Variants in PSMG2 observed in about 807,000 individuals in gnomAD.
PSMG2 encodes CD40 ligand-activated specific transcript 3.
Under a neutral mutation model 31.5 loss-of-function variants are expected in PSMG2, and 21 were observed. That is an observed-to-expected ratio of 0.67 (90% CI 0.47 to 0.96). The LOEUF (loss-of-function observed/expected upper bound fraction) is 0.96, where lower values mean the gene tolerates loss of function less well. Ranked by LOEUF, PSMG2 falls within the 40% of genes least tolerant of loss-of-function variation. The pLI is 0.00. For missense variants in PSMG2, 318 were observed against 321.2 expected (o/e 0.99, Z 0.08); for synonymous variants, 120 against 110.4 (o/e 1.09, Z -0.54).
At position 12,718,585 on chromosome 18, in the gene PSMG2, TG is replaced by T; in HGVS notation, c.358del (p.Val120PhefsTer36). ...AAAGCAGTGGCTGTGCCAGAGTCAT[TG>T]TTCTTTCAAGCAGTCATTCATATCA... is the stretch of plus-strand genomic sequence containing the variant. ...VKSSGCARVI[V>X]LSSSHSYQRN... On this transcript the variant is annotated frameshift_variant, in exon 4 of 7. Transcript: ENST00000317615. LOFTEE classifies it high-confidence loss of function. 1 of 1,612,674 alleles carries T rather than the reference TG, an allele frequency of 6.2e-7. No individual in the cohort carries two copies.
intron 1 of PSMG2, among the ~76,000 whole-genome samples, chr18:12,694,556 C>G (rs1338903176): frequency 3.9e-5 from 6 of 152,306 alleles, no homozygotes; most frequent in Middle Eastern, 3.4e-3. Flanking sequence ...CAAACACACT[C>G]TAAAAGTGGC....
At chr18:12,699,945 A>G, upstream of PSMG2, 2 of 1,335,514 alleles carry the variant, frequency 1.5e-6, no homozygotes, top group Non-Finnish European at 2.1e-6. Context: ...AAATTAGAAA[A>G]CAATTATAGG....
At chr18:12,686,627 C>T (rs1346535747) in intron 1 of PSMG2, 1 of 455,164 alleles carries the variant, frequency 2.2e-6, no homozygotes, top group South Asian at 2.8e-5. Context: ...TCCTCATCTC[C>T]GTTATTTTCA....
rs138452918 is a variant in PSMG2 at position 12,710,238 on chromosome 18, G to T, written c.230-2464G>T. 1.1e-3 allele frequency among the ~76,000 whole-genome samples: 174 copies of T among 152,120 alleles called. 1 individual carries two copies. Among genetic ancestry groups the T allele is most frequent in the East Asian group, 7.1e-3 (37 of 5,182 alleles). ...ATTACAGGTGTGAGCCACCACGCCC[G>T]CCCCTTTTAAAGCATCTGTGATTTC... is the stretch of plus-strand genomic sequence containing the variant. On this transcript the variant is annotated intron_variant, in intron 2 of 6. Transcript: ENST00000317615.
At chr18:12,691,961 C>T (rs138657471) in intron 1 of PSMG2, among the ~76,000 whole-genome samples, 4,453 of 152,086 alleles carry the variant, frequency 0.029, 227 homozygotes, top group African/African-American at 0.1. Flanking sequence ...GCTCATGATC[C>T]GCCCGCCTTG....
At chr18:12,698,910 A>T, upstream of PSMG2, 1 of 1,124,736 alleles carries the variant, frequency 8.9e-7, no homozygotes, top group African/African-American at 1.6e-5. Context: ...AAAAGTCATT[A>T]TTATTGTTTC....
At chr18:12,700,905 C>T (rs562236627), upstream of PSMG2, 959 of 1,417,358 alleles carry the variant, frequency 6.8e-4, no homozygotes, top group Non-Finnish European at 7.5e-4. Context: ...AGTAGTGTTA[C>T]GCATTAGTAT....
intron 2 of PSMG2, 112 bp from the exon 3 acceptor site, chr18:12,712,590 T>C (rs1358037559): frequency 2.7e-6 from 2 of 747,380 alleles, no homozygotes; most frequent in South Asian, 1.9e-5. Flanking sequence ...ATTTTAATTA[T>C]TGAAAACATT....
At chr18:12,681,813 A>G (rs2039358483) in intron 1 of PSMG2, among the ~76,000 whole-genome samples, 1 of 152,126 alleles carries the variant, frequency 6.6e-6, no homozygotes, top group Admixed American at 6.6e-5. Context: ...TCAATTTTAA[A>G]AAGTTATAAA....
chr18:12,702,987 C>G, upstream of PSMG2: 1 of 1,148,208 alleles, frequency 8.7e-7, no homozygotes, highest in Non-Finnish European at 1.2e-6. Context: ...GCCCGGCGCC[C>G]AGGGACTCAA....
intron 1 of PSMG2, among the ~76,000 whole-genome samples, chr18:12,690,867 T>C (rs552156983): frequency 3.0e-4 from 45 of 152,234 alleles, no homozygotes; most frequent in Admixed American, 2.6e-3. Context: ...ACATTACTGG[T>C]CACTGGCTTA....
chr18:12,695,560 C>A (rs2039923097), intron 1 of PSMG2, among the ~76,000 whole-genome samples: 1 of 151,872 alleles, frequency 6.6e-6, no homozygotes, highest in Non-Finnish European at 1.5e-5. Flanking sequence ...AGATTATTTT[C>A]TTAGCTTTCT....
upstream of PSMG2, chr18:12,698,958 C>T: frequency 1.3e-6 from 2 of 1,486,770 alleles, no homozygotes; most frequent in Non-Finnish European, 1.9e-6. Flanking sequence ...AATTAAATGA[C>T]AATTTATTAC....
intron 1 of PSMG2, among the ~76,000 whole-genome samples, chr18:12,687,661 A>G (rs2039591219): frequency 1.3e-5 from 2 of 151,792 alleles, no homozygotes; most frequent in East Asian, 3.9e-4. Context: ...GATGTTGACC[A>G]GGCTTGGTCT....
At chr18:12,721,654 T>G (rs1414282143) in intron 5 of PSMG2, among the ~76,000 whole-genome samples, 1 of 152,190 alleles carries the variant, frequency 6.6e-6, no homozygotes, top group African/African-American at 2.4e-5. Context: ...TTTGTCAGTT[T>G]TGTTTTTCTT....
At chr18:12,680,661 C>T (rs746026314) in intron 1 of PSMG2, 1 of 1,589,680 alleles carries the variant, frequency 6.3e-7, no homozygotes, top group Non-Finnish European at 8.6e-7. Flanking sequence ...AGTAAACTAA[C>T]CTGTGTCCTG....
chr18:12,668,651 T>A (rs2038858892), intron 1 of PSMG2, among the ~76,000 whole-genome samples: 2 of 119,790 alleles, frequency 1.7e-5, no homozygotes, highest in African/African-American at 3.1e-5. Flanking sequence ...CTTAATCCAA[T>A]CAAAAAGCTG....
intron 4 of PSMG2, among the ~76,000 whole-genome samples, chr18:12,719,851 G>A (rs9967553): frequency 0.38 from 57,315 of 150,256 alleles, 11,391 homozygotes; most frequent in Non-Finnish European, 0.45. Context: ...AGCCTCCCGA[G>A]TACTTGGGAC....
chr18:12,696,181 G>T (rs982392927), intron 1 of PSMG2, among the ~76,000 whole-genome samples: 4 of 151,998 alleles, frequency 2.6e-5, no homozygotes, highest in African/African-American at 9.7e-5. Flanking sequence ...TTTATTTAAA[G>T]AAAAATACAT....
Sources: gnomAD v4.1 joint callset for allele counts (sites outside exome capture counted in the v4.1 genomes callset) on GRCh38, gnomAD v4.1.1 for gene constraint, MANE v1.5 for transcripts, NCBI Gene and HGNC (gene_info 2026-07-23, HGNC 2026-07-21) for gene names.